Variants in PDGFD observed in about 807,000 individuals in gnomAD.
PDGFD encodes platelet-derived growth factor D.
A neutral mutation model predicts 44.7 loss-of-function variants in PDGFD; 30 were observed. The observed-to-expected ratio is 0.67, with a 90% confidence interval of 0.50 to 0.91. The LOEUF is 0.91. Among genes scored for constraint, PDGFD ranks in the 40% least tolerant of loss-of-function variants. The pLI is 0.00. For missense variants in PDGFD, 445 were observed against 457.8 expected, an observed-to-expected ratio of 0.97 and a Z score of 0.25; for synonymous variants, 173 against 168.4, an observed-to-expected ratio of 1.03 and a Z score of -0.21.
At chr11:104,064,988 G>A (rs766052816) in intron 1 of PDGFD, among the ~76,000 whole-genome samples, 1 of 152,170 alleles carries the variant, frequency 6.6e-6, no homozygotes, top group South Asian at 2.1e-4. Context: ...ACTGGGAAAG[G>A]CAGACCCACC....
chr11:103,940,176 A>G (rs915850056), intron 5 of PDGFD, among the ~76,000 whole-genome samples: 10 of 152,114 alleles, frequency 6.6e-5, no homozygotes, highest in Non-Finnish European at 1.0e-4. Context: ...CTAAATAAAA[A>G]GAAGCAAAAC....
chr11:103,944,976 C>CATCT (rs998714563), intron 4 of PDGFD, among the ~76,000 whole-genome samples: 4 of 152,078 alleles, frequency 2.6e-5, no homozygotes, highest in Middle Eastern at 3.4e-3. Flanking sequence ...AGAAACCATA[C>CATCT]ATCTAATTTT....
chr11:104,160,267 G>A (rs984758136), intron 1 of PDGFD, among the ~76,000 whole-genome samples: 1 of 152,114 alleles, frequency 6.6e-6, no homozygotes, highest in African/African-American at 2.4e-5. Context: ...TAACCAAAGA[G>A]AACTAATTTC....
chr11:104,127,727 G>A (rs1350479207), intron 1 of PDGFD, among the ~76,000 whole-genome samples: 1 of 152,074 alleles, frequency 6.6e-6, no homozygotes, highest in Non-Finnish European at 1.5e-5. Flanking sequence ...GTGTGTGTGT[G>A]AAGGACACAA....
At chr11:104,152,291 T>G in intron 1 of PDGFD, among the ~76,000 whole-genome samples, 1 of 152,236 alleles carries the variant, frequency 6.6e-6, no homozygotes, top group South Asian at 2.1e-4. Context: ...AATTAACAAA[T>G]GTTTACAAAT....
intron 6 of PDGFD, among the ~76,000 whole-genome samples, chr11:103,923,771 T>G (rs890026292): frequency 1.5e-4 from 23 of 152,200 alleles, no homozygotes; most frequent in Non-Finnish European, 1.2e-4. Flanking sequence ...CAGGAGTGTT[T>G]GTTCCAGGTA....
intron 3 of PDGFD, among the ~76,000 whole-genome samples, chr11:103,978,209 A>G (rs1431873964): frequency 1.3e-5 from 2 of 152,100 alleles, no homozygotes; most frequent in African/African-American, 4.8e-5. Context: ...AGGAACAATG[A>G]TATCTTCAGA....
chr11:104,048,463 C>T (rs1860477512), intron 1 of PDGFD, among the ~76,000 whole-genome samples: 1 of 152,276 alleles, frequency 6.6e-6, no homozygotes, highest in East Asian at 1.9e-4. Flanking sequence ...TCACCTCAAA[C>T]ATTCTGTATC....
chr11:103,951,388 T>G (rs1479898055), intron 3 of PDGFD, among the ~76,000 whole-genome samples: 2 of 152,186 alleles, frequency 1.3e-5, no homozygotes, highest in African/African-American at 2.4e-5. Context: ...AACCAGCAAG[T>G]TTCCCAACTG....
chr11:104,109,687 C>T (rs1416352725), intron 1 of PDGFD, among the ~76,000 whole-genome samples: 1 of 152,024 alleles, frequency 6.6e-6, no homozygotes, highest in Non-Finnish European at 1.5e-5. Context: ...ATAGTCCATG[C>T]TGTGAACTAT....
intron 1 of PDGFD, among the ~76,000 whole-genome samples, chr11:104,030,267 A>G (rs1191508540): frequency 6.6e-6 from 1 of 152,244 alleles, no homozygotes; most frequent in Non-Finnish European, 1.5e-5. Flanking sequence ...CTGTATATAC[A>G]TTCACATTAA....
intron 1 of PDGFD, among the ~76,000 whole-genome samples, chr11:104,071,536 A>C (rs1378709502): frequency 6.6e-6 from 1 of 151,746 alleles, no homozygotes; most frequent in Non-Finnish European, 1.5e-5. Context: ...CATTCTTCAT[A>C]TGTAAGTAAA....
intron 1 of PDGFD, among the ~76,000 whole-genome samples, chr11:104,007,132 C>A (rs894421974): frequency 2.6e-5 from 4 of 152,188 alleles, no homozygotes; most frequent in Admixed American, 2.6e-4. Context: ...CAAGAGGAGC[C>A]ACATGCCTGT....
At chr11:104,097,187 A>G (rs1484932340) in intron 1 of PDGFD, among the ~76,000 whole-genome samples, 2 of 152,170 alleles carry the variant, frequency 1.3e-5, no homozygotes, top group Non-Finnish European at 1.5e-5. Context: ...ATAAACTCAC[A>G]TGCTTTCAAA....
intron 1 of PDGFD, among the ~76,000 whole-genome samples, chr11:104,022,810 T>C (rs762642533): frequency 6.6e-6 from 1 of 152,074 alleles, no homozygotes; most frequent in African/African-American, 2.4e-5. Context: ...TAGATATATA[T>C]GTATATACAC....
intron 3 of PDGFD, among the ~76,000 whole-genome samples, chr11:103,948,695 TAC>T (rs1477830293): frequency 2.0e-5 from 3 of 152,178 alleles, no homozygotes; most frequent in Non-Finnish European, 2.9e-5. Flanking sequence ...TATCCAAGTA[TAC>T]CTACTGAATG....
intron 1 of PDGFD, among the ~76,000 whole-genome samples, chr11:104,157,325 A>G (rs1386990764): frequency 6.6e-6 from 1 of 152,184 alleles, no homozygotes; most frequent in Non-Finnish European, 1.5e-5. Flanking sequence ...GGATATAGGA[A>G]GACTGGCCCT....
chr11:104,119,196 ATATATAATATATT>A (rs1861709527), intron 1 of PDGFD, among the ~76,000 whole-genome samples: 1 of 4,814 alleles, frequency 2.1e-4, no homozygotes, highest in Non-Finnish European at 3.4e-4. Context: ...TATTGATATA[ATATATAATATATT>A]AATATAATAT....
At chr11:103,934,792 G>A (rs1858461496) in intron 5 of PDGFD, among the ~76,000 whole-genome samples, 1 of 152,120 alleles carries the variant, frequency 6.6e-6, no homozygotes, top group Admixed American at 6.5e-5. Context: ...TTTCTCCCTT[G>A]ACATGTGGGG....
Sources: gnomAD v4.1 joint callset for allele counts (sites outside exome capture counted in the v4.1 genomes callset) on GRCh38, gnomAD v4.1.1 for gene constraint, MANE v1.5 for transcripts, NCBI Gene and HGNC (gene_info 2026-07-23, HGNC 2026-07-21) for gene names.